MYO1E: variants seen among roughly 807,000 people sequenced by gnomAD.
The protein encoded by MYO1E is unconventional myosin-Ie.
A neutral mutation model predicts 151.1 loss-of-function variants in MYO1E; 68 were observed. The observed-to-expected ratio is 0.45, with a 90% CI of 0.37 to 0.55. The LOEUF (loss-of-function observed/expected upper bound fraction) is 0.55, where lower values mean the gene tolerates loss of function less well. MYO1E is among the 20% of genes least tolerant of loss of function. The pLI is 0.00. For synonymous variants in MYO1E, 601 were observed against 501.7 expected (o/e 1.20, Z -2.64); for missense variants, 1,363 against 1,389.3 (o/e 0.98, Z 0.30).
chr15:59,291,536 C>CA (rs1448442251), intron 1 of MYO1E, among the ~76,000 whole-genome samples: 1 of 151,038 alleles, frequency 6.6e-6, no homozygotes, highest in Non-Finnish European at 1.5e-5. Context: ...TTTAGTGCAG[C>CA]AAAAAGAGAA....
chr15:59,149,052 G>GTTTTTTTTTTTTT (rs570700878), intron 26 of MYO1E, among the ~76,000 whole-genome samples: 22 of 128,226 alleles, frequency 1.7e-4, no homozygotes, highest in African/African-American at 3.7e-4. Context: ...TTTTTTTTTT[G>GTTTTTTTTTTTTT]TTTTTTTTTT....
intron 1 of MYO1E, among the ~76,000 whole-genome samples, chr15:59,313,761 T>C (rs1450873558): frequency 6.6e-6 from 1 of 151,968 alleles, no homozygotes; most frequent in East Asian, 1.9e-4. Flanking sequence ...AAGAGAAAAA[T>C]AGAAGGAATC....
chr15:59,338,913 C>T (rs994366982), intron 1 of MYO1E, among the ~76,000 whole-genome samples: 7 of 152,178 alleles, frequency 4.6e-5, no homozygotes, highest in Non-Finnish European at 1.0e-4. Context: ...AGGTGGATCA[C>T]CTGAGGCCAG....
chr15:59,277,222 A>T (rs977732469), intron 1 of MYO1E, among the ~76,000 whole-genome samples: 5 of 152,098 alleles, frequency 3.3e-5, no homozygotes, highest in Middle Eastern at 3.2e-3. Context: ...AGACACACAG[A>T]CCAATATATA....
At chr15:59,367,010 A>C (rs2080918321) in intron 1 of MYO1E, among the ~76,000 whole-genome samples, 2 of 150,946 alleles carry the variant, frequency 1.3e-5, no homozygotes, top group Admixed American at 6.6e-5. Context: ...AAAAAAAAAA[A>C]AAAAAAAAAA....
At chr15:59,329,294 G>A (rs1388464319) in intron 1 of MYO1E, among the ~76,000 whole-genome samples, 1 of 152,116 alleles carries the variant, frequency 6.6e-6, no homozygotes, top group East Asian at 1.9e-4. Flanking sequence ...CGTAGATACT[G>A]TTCTAACCTA....
rs192869343 is a variant in MYO1E at position 59,133,953 on chromosome 15, T to A, written c.*3427A>T. 5.5e-4 allele frequency: 84 copies of A among 152,024 alleles called. 2 individuals are homozygous for A. The highest frequency in any genetic ancestry group is 2.0e-3 in the African/African-American group (81 of 41,440). The allele number at this position is 152,024 out of a possible 1,614,324, so 9.4% of individuals were successfully genotyped here. On this transcript the variant is annotated 3_prime_UTR_variant, in exon 28 of 28. Coordinates refer to ENST00000288235, the MANE Select transcript of MYO1E (RefSeq NM_004998.4). ...CCATGCTCTATGGAAGCCCATGGAG[T>A]TTGTAATTCATAAAGGCACATCCAT...
In MYO1E at chr15:59,333,757, TG is replaced by T. The variant is rs199578124; in HGVS notation, c.3+38740del. Among the ~76,000 whole-genome samples the T allele has an allele frequency of 8.3e-4, 127 of 152,336 alleles. 2 individuals are homozygous for T. The East Asian group carries it at 0.024, about 29-fold the overall frequency. ...ATGCTTTTTTCTCCCTTTATTCCTATGTTTATAGTTGAAAGCTAAACCACAA... is the reference window on the plus strand; with the variant it reads ...ATGCTTTTTTCTCCCTTTATTCCTATTTTATAGTTGAAAGCTAAACCACAA... On this transcript the variant is annotated intron_variant, in intron 1 of 27. Transcript: ENST00000288235.
At chr15:59,216,685 T>TATATACACACAC (rs1232339026) in intron 10 of MYO1E, among the ~76,000 whole-genome samples, 1 of 38,638 alleles carries the variant, frequency 2.6e-5, no homozygotes, top group Admixed American at 2.8e-4. Context: ...TATATATATA[T>TATATACACACAC]ACACATACAC....
At chr15:59,356,676 C>G (rs1438804037) in intron 1 of MYO1E, among the ~76,000 whole-genome samples, 1 of 152,116 alleles carries the variant, frequency 6.6e-6, no homozygotes, top group African/African-American at 2.4e-5. Flanking sequence ...CTCCCGGGCT[C>G]CAGCAATCCT....
intron 1 of MYO1E, among the ~76,000 whole-genome samples, chr15:59,279,998 T>C (rs1359180824): frequency 1.3e-5 from 2 of 152,176 alleles, no homozygotes; most frequent in Admixed American, 6.5e-5. Flanking sequence ...TCAAATAAGA[T>C]AATGGATGTG....
At position 59,205,478 on chromosome 15, in the gene MYO1E, T is replaced by C; in HGVS notation, c.1538A>G (p.Tyr513Cys). Residue 513 changes from tyrosine (Y) to cysteine (C), a missense_variant, in exon 15 of 28, where the codon TAT becomes TGT. Physicochemically the swap from Tyr to Cys is radical, Grantham distance 194. Transcript: ENST00000288235. Reference protein sequence around the residue: ...IIHHYAGKVSYDMDGFCERNR... With the variant: ...IIHHYAGKVSCDMDGFCERNR... ...CCTTTCACAAAAGCCATCCATGTCATAGGATACCTGGCCAAGAATGGAAAG... is the reference window on the plus strand; with the variant it reads ...CCTTTCACAAAAGCCATCCATGTCACAGGATACCTGGCCAAGAATGGAAAG... The C allele has an allele frequency of 6.2e-7, 1 of 1,608,946 alleles. No individual in the cohort carries two copies. The highest frequency in any genetic ancestry group is 8.5e-7 in the Non-Finnish European group (1 of 1,177,150).
At chr15:59,162,996 T>C (rs755773221) in intron 23 of MYO1E, among the ~76,000 whole-genome samples, 161 bp downstream of exon 23, 25 of 152,242 alleles carry the variant, frequency 1.6e-4, no homozygotes, top group Non-Finnish European at 2.9e-4. Context: ...CTGTGACTAC[T>C]ATCCAGACTG....
intron 4 of MYO1E, among the ~76,000 whole-genome samples, chr15:59,255,938 C>T (rs978393812): frequency 1.3e-5 from 2 of 152,028 alleles, no homozygotes; most frequent in Admixed American, 6.6e-5. Context: ...AAATTCAATG[C>T]AAATGACAAA....
chr15:59,180,642 T>TG (rs1410310414), intron 18 of MYO1E, among the ~76,000 whole-genome samples: 1 of 152,068 alleles, frequency 6.6e-6, no homozygotes, highest in African/African-American at 2.4e-5. Context: ...ACATGGGAAT[T>TG]GCCTGGGGCT....
intron 18 of MYO1E, among the ~76,000 whole-genome samples, chr15:59,184,123 C>T (rs1566972951): frequency 1.3e-5 from 2 of 152,208 alleles, no homozygotes; most frequent in Non-Finnish European, 2.9e-5. Context: ...CCTTTCACCT[C>T]AGCCTCCCGA....
chr15:59,236,137 T>C (rs2140357627), intron 5 of MYO1E, among the ~76,000 whole-genome samples: 1 of 151,018 alleles, frequency 6.6e-6, no homozygotes, highest in South Asian at 2.1e-4. Flanking sequence ...AGGTCAGGAG[T>C]TCGAGACCAG....
chr15:59,310,296 T>C (rs568948107), intron 1 of MYO1E, among the ~76,000 whole-genome samples: 46 of 152,344 alleles, frequency 3.0e-4, no homozygotes, highest in African/African-American at 1.1e-3. Flanking sequence ...TTGCACTGTG[T>C]TGCCTCCAAA....
chr15:59,293,544 TA>T (rs756437928), intron 1 of MYO1E, among the ~76,000 whole-genome samples: 61 of 139,862 alleles, frequency 4.4e-4, no homozygotes, highest in Middle Eastern at 3.6e-3. Flanking sequence ...AGACTCCCTC[TA>T]AAAAAAAAAA....
Sources: allele counts gnomAD v4.1 joint callset (sites outside exome capture counted in the v4.1 genomes callset), GRCh38; gene constraint gnomAD v4.1.1; transcripts MANE v1.5; gene names NCBI Gene and HGNC (gene_info 2026-07-23, HGNC 2026-07-21).